Variants in GATAD2B observed in about 807,000 individuals in gnomAD.
GATAD2B encodes transcriptional repressor p66-beta.
A neutral mutation model predicts 64.3 loss-of-function variants in GATAD2B; 8 were observed. The observed-to-expected ratio is 0.12, with a 90% CI of 0.07 to 0.22. The LOEUF (loss-of-function observed/expected upper bound fraction) is 0.22. GATAD2B is among the 10% of genes least tolerant of loss of function. The pLI is 1.00. For synonymous variants in GATAD2B, 281 were observed against 271.3 expected (o/e 1.04, Z -0.35); for missense variants, 453 against 752.0 (o/e 0.60, Z 4.65).
intron 1 of GATAD2B, among the ~76,000 whole-genome samples, chr1:153,870,320 C>T (rs1676619966): frequency 6.6e-6 from 1 of 152,124 alleles, no homozygotes; most frequent in African/African-American, 2.4e-5. Flanking sequence ...CCTGTAATTC[C>T]AGCACTATGG....
chr1:153,894,446 C>T (rs756214216), intron 1 of GATAD2B, among the ~76,000 whole-genome samples: 21 of 151,526 alleles, frequency 1.4e-4, no homozygotes, highest in Non-Finnish European at 2.5e-4. Flanking sequence ...CCAGCATGGG[C>T]GACAGAGCAA....
intron 1 of GATAD2B, among the ~76,000 whole-genome samples, 194 bp downstream of exon 1, chr1:153,922,539 G>A (rs962670701): frequency 1.4e-5 from 2 of 146,814 alleles, no homozygotes; most frequent in Admixed American, 1.3e-4. Flanking sequence ...GTGCCGGGGT[G>A]GGGGGAGGGG....
intron 1 of GATAD2B, among the ~76,000 whole-genome samples, chr1:153,881,610 T>C (rs981766702): frequency 6.6e-6 from 1 of 152,334 alleles, no homozygotes. Flanking sequence ...ATTTCGAGTT[T>C]CTGCTTTTAG....
intron 1 of GATAD2B, among the ~76,000 whole-genome samples, chr1:153,837,636 G>A (rs545945945): frequency 4.6e-5 from 7 of 152,138 alleles, no homozygotes; most frequent in Admixed American, 6.6e-5. Flanking sequence ...AACTGATTAC[G>A]GAAGGGTACA....
At chr1:153,880,476 A>AAAACAG (rs1212180152) in intron 1 of GATAD2B, among the ~76,000 whole-genome samples, 1 of 151,952 alleles carries the variant, frequency 6.6e-6, no homozygotes, top group African/African-American at 2.4e-5. Context: ...AACAAAAACA[A>AAAACAG]AAACAAAAAA....
Position 153,887,402 on chromosome 1 carries a change from A to C in GATAD2B, c.-2+35331T>G, listed in dbSNP as rs572843699. On this transcript the variant is annotated intron_variant, in intron 1 of 10. Transcript: ENST00000368655. ...CTTGGGAGTTACCAATCAATGACTG[A>C]TTGATTGACAAGTGAAGTAAGTGTC... 4.6e-5 allele frequency among the ~76,000 whole-genome samples: 7 copies of C among 152,330 alleles called. No individual in the cohort carries two copies. In the South Asian group the frequency reaches 1.2e-3, roughly 27 times the overall value.
At chr1:153,909,701 G>A (rs560270585) in intron 1 of GATAD2B, among the ~76,000 whole-genome samples, 4 of 151,192 alleles carry the variant, frequency 2.6e-5, no homozygotes, top group Non-Finnish European at 5.9e-5. Context: ...GGGAGACTGA[G>A]GGGGCGGGGG....
At position 153,815,681 on chromosome 1, in the gene GATAD2B, G is replaced by A. The variant is rs562157510; in HGVS notation, c.1216+592C>T. ...AAAAAAAACAAGCCGAAAGATAGAT[G>A]ATAGATTAGATAGAATAGAATAGAT... On this transcript the variant is annotated intron_variant, in intron 7 of 10. Transcript: ENST00000368655. Among the ~76,000 whole-genome samples the A allele has an allele frequency of 1.4e-3, 216 of 152,214 alleles. 1 individual carries two copies. Among genetic ancestry groups the A allele is most frequent in the African/African-American group, 5.0e-3 (207 of 41,528 alleles).
At chr1:153,855,225 GTTTT>G (rs112614667) in intron 1 of GATAD2B, among the ~76,000 whole-genome samples, 1 of 142,316 alleles carries the variant, frequency 7.0e-6, no homozygotes, top group East Asian at 2.0e-4. Flanking sequence ...CTTTCTTTTT[GTTTT>G]TTTTTTTTGT....
chr1:153,807,179 G>C lies in GATAD2B; in HGVS notation c.*2998C>G, dbSNP rs1415638870. 1 of 152,210 alleles carries C rather than the reference G, an allele frequency of 6.6e-6. No individual in the cohort carries two copies. Among genetic ancestry groups the C allele is most frequent in the Non-Finnish European group, 1.5e-5 (1 of 68,062 alleles). 9.4% of individuals were successfully genotyped at this position (152,210 alleles called of 1,614,324 possible). ...TGCTTTTAGTGCCTCTGGGGATGGA[G>C]GAAGCCAGGCAGAACTGGTGGGATC... On this transcript the variant is annotated 3_prime_UTR_variant, in exon 11 of 11. Transcript: ENST00000368655.
intron 1 of GATAD2B, among the ~76,000 whole-genome samples, chr1:153,906,876 A>C (rs916850592): frequency 6.6e-6 from 1 of 152,256 alleles, no homozygotes; most frequent in Non-Finnish European, 1.5e-5. Context: ...ACGAATAGCC[A>C]ATAAGCACCT....
At chr1:153,892,692 C>CTTT (rs144331770) in intron 1 of GATAD2B, among the ~76,000 whole-genome samples, 17 of 97,824 alleles carry the variant, frequency 1.7e-4, no homozygotes, top group Non-Finnish European at 2.2e-4. Flanking sequence ...TGTAAGAAAC[C>CTTT]TTTTTTTTTT....
At position 153,892,692 on chromosome 1, in the gene GATAD2B, CTTTTTTTT is replaced by C. The variant is rs144331770; in HGVS notation, c.-2+30033_-2+30040del. On this transcript the variant is annotated intron_variant, in intron 1 of 10. Coordinates refer to ENST00000368655, the MANE Select transcript of GATAD2B (RefSeq NM_020699.4). ...AGTATCCAGTAGACTTGTAAGAAAC[CTTTTTTTT>C]TTTTTTTTTTTTTTGAGACAGTCTC... 1.0e-3 allele frequency among the ~76,000 whole-genome samples: 101 copies of C among 97,852 alleles called. 1 individual carries two copies. The highest frequency in any genetic ancestry group is 4.4e-3 in the South Asian group (13 of 2,932). The allele number at this position is 97,852 out of a possible 152,430, so 64.2% of individuals were successfully genotyped here.
chr1:153,867,243 G>C (rs1210201387), intron 1 of GATAD2B, among the ~76,000 whole-genome samples: 1 of 152,146 alleles, frequency 6.6e-6, no homozygotes, highest in Admixed American at 6.6e-5. Context: ...AAACCACACT[G>C]ATCTCCTTAC....
chr1:153,819,595 T>C lies in GATAD2B; in HGVS notation c.465+11A>G. ...CATAACAAGAAGAAAGAAATTTTTC[T>C]TTCTTTTTACCTTAAACATCTCTAA... is the stretch of plus-strand genomic sequence containing the variant. On this transcript the variant is annotated intron_variant, in intron 3 of 10. Coordinates refer to ENST00000368655, the MANE Select transcript of GATAD2B (RefSeq NM_020699.4). The C allele has an allele frequency of 6.4e-7, 1 of 1,570,918 alleles. No homozygotes were observed. The highest frequency in any genetic ancestry group is 8.6e-7 in the Non-Finnish European group (1 of 1,161,696).
At chr1:153,889,400 G>C (rs1372186993) in intron 1 of GATAD2B, among the ~76,000 whole-genome samples, 1 of 81,412 alleles carries the variant, frequency 1.2e-5, no homozygotes, top group African/African-American at 5.2e-5. Flanking sequence ...CAACAAGAGC[G>C]AAACCCCGTC....
intron 1 of GATAD2B, among the ~76,000 whole-genome samples, chr1:153,857,000 G>A (rs2101916078): frequency 6.6e-6 from 1 of 152,090 alleles, no homozygotes; most frequent in South Asian, 2.1e-4. Context: ...AATCATCACA[G>A]CCCTATTTGC....
intron 1 of GATAD2B, among the ~76,000 whole-genome samples, chr1:153,902,172 C>G (rs1677799420): frequency 6.6e-6 from 1 of 151,110 alleles, no homozygotes; most frequent in African/African-American, 2.4e-5. Context: ...CTCAGCTACT[C>G]AGCAAGGCTG....
intron 1 of GATAD2B, among the ~76,000 whole-genome samples, chr1:153,844,951 A>G (rs1675631159): frequency 6.6e-6 from 1 of 152,224 alleles, no homozygotes; most frequent in South Asian, 2.1e-4. Context: ...AAGAGGCAAG[A>G]AAACATGACC....
Sources: gnomAD v4.1 joint callset for allele counts (sites outside exome capture counted in the v4.1 genomes callset) on GRCh38, gnomAD v4.1.1 for gene constraint, MANE v1.5 for transcripts, NCBI Gene and HGNC (gene_info 2026-07-23, HGNC 2026-07-21) for gene names.